Variants in GRID1 observed in about 807,000 individuals in gnomAD.
The protein encoded by GRID1 is glutamate ionotropic receptor delta type subunit 1, also known as glutamate receptor ionotropic, delta-1.
GRID1 carries 28 observed loss-of-function variants against 98.0 expected under a neutral mutation model. The observed-to-expected ratio is 0.29, with a 90% CI of 0.21 to 0.39. The LOEUF is 0.39. GRID1 is among the 10% of genes least tolerant of loss of function. GRID1 has a pLI of 1.00. For synonymous variants in GRID1, 553 were observed against 538.5 expected, an observed-to-expected ratio of 1.03 and a Z score of -0.37; for missense variants, 1,111 against 1,340.5, an observed-to-expected ratio of 0.83 and a Z score of 2.67.
At chr10:85,910,976 A>G (rs998568165) in intron 5 of GRID1, among the ~76,000 whole-genome samples, 10 of 152,286 alleles carry the variant, frequency 6.6e-5, no homozygotes, top group South Asian at 2.1e-4. Flanking sequence ...AAAACCCCAA[A>G]GCTAGGAGGG....
chr10:85,724,308 C>A, intron 11 of GRID1, 44 bp downstream of exon 11: 1 of 1,478,582 alleles, frequency 6.8e-7, no homozygotes, highest in Non-Finnish European at 9.2e-7. Context: ...TAAGTTCTTC[C>A]AGGCCCCTAG....
intron 5 of GRID1, among the ~76,000 whole-genome samples, chr10:85,907,401 C>T (rs60006374): frequency 0.022 from 3,311 of 152,264 alleles, 125 homozygotes; most frequent in African/African-American, 0.076. Context: ...GGTGAGCCAC[C>T]ATGCCTGGCC....
intron 4 of GRID1, among the ~76,000 whole-genome samples, chr10:86,097,394 T>C (rs1266086656): frequency 2.6e-5 from 4 of 152,222 alleles, no homozygotes; most frequent in Admixed American, 6.5e-5. Flanking sequence ...TTAAAGAACA[T>C]GCAGTGCTGG....
chr10:85,955,536 G>T (rs1842177906), intron 4 of GRID1, among the ~76,000 whole-genome samples: 2 of 152,154 alleles, frequency 1.3e-5, no homozygotes, highest in African/African-American at 4.8e-5. Context: ...CATGAATTCA[G>T]CCTCATTAGG....
chr10:85,986,018 A>C (rs994032095), intron 4 of GRID1, among the ~76,000 whole-genome samples: 4 of 152,234 alleles, frequency 2.6e-5, no homozygotes, highest in African/African-American at 9.6e-5. Flanking sequence ...ACAAAGCAAG[A>C]AGTTGGAGGC....
At chr10:86,328,170 T>C (rs981631320) in intron 2 of GRID1, among the ~76,000 whole-genome samples, 2 of 152,208 alleles carry the variant, frequency 1.3e-5, no homozygotes, top group Non-Finnish European at 2.9e-5. Flanking sequence ...ATTATTTATA[T>C]ATACAAAACA....
At chr10:85,731,705 G>T (rs1841824818) in intron 8 of GRID1, among the ~76,000 whole-genome samples, 1 of 151,640 alleles carries the variant, frequency 6.6e-6, no homozygotes, top group Admixed American at 6.6e-5. Context: ...GGGAGGCTGA[G>T]GTAGGAGGAT....
chr10:85,811,275 A>G (rs1442794664), intron 8 of GRID1, among the ~76,000 whole-genome samples: 2 of 152,236 alleles, frequency 1.3e-5, no homozygotes, highest in African/African-American at 4.8e-5. Context: ...AAATTGGAAG[A>G]GGCTACTATT....
At chr10:86,096,290 G>A (rs1844220558) in intron 4 of GRID1, among the ~76,000 whole-genome samples, 1 of 152,060 alleles carries the variant, frequency 6.6e-6, no homozygotes, top group East Asian at 1.9e-4. Context: ...AAATCACCAC[G>A]AAAGAACTTA....
At chr10:86,132,115 A>C (rs1844846746) in intron 4 of GRID1, among the ~76,000 whole-genome samples, 1 of 152,158 alleles carries the variant, frequency 6.6e-6, no homozygotes, top group Non-Finnish European at 1.5e-5. Flanking sequence ...GAGAGGGGAC[A>C]GTGGACTAGG....
At chr10:85,686,251 G>A (rs1841267698) in intron 12 of GRID1, among the ~76,000 whole-genome samples, 1 of 152,144 alleles carries the variant, frequency 6.6e-6, no homozygotes, top group Non-Finnish European at 1.5e-5. Context: ...AGAGATACTG[G>A]AAATCAGTGG....
chr10:85,720,645 A>AG (rs5786719), intron 12 of GRID1, among the ~76,000 whole-genome samples: 2 of 146,696 alleles, frequency 1.4e-5, no homozygotes, highest in East Asian at 1.9e-4. Context: ...AAAAAAAAAA[A>AG]GAAAGAAAGA....
chr10:86,291,596 A>C (rs139802927), intron 2 of GRID1, among the ~76,000 whole-genome samples: 188 of 152,254 alleles, frequency 1.2e-3, no homozygotes, highest in African/African-American at 4.1e-3. Context: ...CCTTCTCCTG[A>C]ATGTTGGGCT....
intron 2 of GRID1, among the ~76,000 whole-genome samples, chr10:86,266,379 C>T (rs1442594850): frequency 1.3e-5 from 2 of 152,176 alleles, no homozygotes; most frequent in African/African-American, 2.4e-5. Flanking sequence ...CCCCCAAATT[C>T]CATCAATAAC....
intron 4 of GRID1, among the ~76,000 whole-genome samples, chr10:86,008,218 AAGGC>A (rs1243741405): frequency 6.6e-6 from 1 of 152,130 alleles, no homozygotes; most frequent in East Asian, 1.9e-4. Flanking sequence ...CTTAGGAAAG[AAGGC>A]AGGAACAGGA....
chr10:85,688,149 C>T (rs926526295), intron 12 of GRID1, among the ~76,000 whole-genome samples: 19 of 152,152 alleles, frequency 1.2e-4, no homozygotes, highest in Non-Finnish European at 2.5e-4. Context: ...TGCAAAAGCA[C>T]AGAAAGGAGA....
chr10:85,773,292 C>T (rs1230338520), intron 8 of GRID1, among the ~76,000 whole-genome samples: 1 of 152,094 alleles, frequency 6.6e-6, no homozygotes, highest in East Asian at 1.9e-4. Flanking sequence ...GCTAAAAACT[C>T]TCAATAAATT....
At chr10:86,167,543 G>C (rs1251753736) in intron 3 of GRID1, among the ~76,000 whole-genome samples, 1 of 152,236 alleles carries the variant, frequency 6.6e-6, no homozygotes, top group Non-Finnish European at 1.5e-5. Flanking sequence ...GGTTGCTGGG[G>C]GAGTGGCGGG....
chr10:86,284,151 C>T (rs1009809712), intron 2 of GRID1, among the ~76,000 whole-genome samples: 51 of 150,972 alleles, frequency 3.4e-4, no homozygotes, highest in Non-Finnish European at 5.3e-4. Context: ...CACCTGCATA[C>T]ACACATCTGC....
Sources: gnomAD v4.1 joint callset for allele counts (sites outside exome capture counted in the v4.1 genomes callset) on GRCh38, gnomAD v4.1.1 for gene constraint, MANE v1.5 for transcripts, NCBI Gene and HGNC (gene_info 2026-07-23, HGNC 2026-07-21) for gene names.